CGGBP1: variants seen among roughly 807,000 people sequenced by gnomAD.
The protein encoded by CGGBP1 is CGG triplet repeat-binding protein 1.
CGGBP1 carries 4 observed loss-of-function variants against 11.4 expected under a neutral mutation model. That is an observed-to-expected ratio of 0.35 (90% confidence interval 0.17 to 0.80). CGGBP1 has a LOEUF of 0.80. Among genes scored for constraint, CGGBP1 ranks in the 30% least tolerant of loss-of-function variants. The pLI, the probability that CGGBP1 is intolerant of heterozygous loss-of-function variation, is 0.52. For missense variants in CGGBP1, 135 were observed against 202.1 expected (o/e 0.67, Z 2.01); for synonymous variants, 76 against 74.1 (o/e 1.03, Z -0.13).
At chr3:88,105,419 A>G (rs370473601) in intron 2 of CGGBP1, among the ~76,000 whole-genome samples, 38 of 152,240 alleles carry the variant, frequency 2.5e-4, no homozygotes, top group East Asian at 9.6e-4. Flanking sequence ...TAGTCAGTCA[A>G]TTTGTCCTCT....
chr3:88,123,525 AAT>A (rs1181294633), intron 2 of CGGBP1, among the ~76,000 whole-genome samples: 7 of 152,144 alleles, frequency 4.6e-5, no homozygotes, highest in African/African-American at 1.7e-4. Flanking sequence ...GGAGTTGTTA[AAT>A]ATTCAAATTA....
chr3:88,055,441 T>G lies in CGGBP1; in HGVS notation c.*32A>C. ...AACACATAACTTTAATACTCCACAT[T>G]TATCTTGATCACAATGGTGGTAACC... On this transcript the variant is annotated 3_prime_UTR_variant, in exon 4 of 4. Transcript: ENST00000482016. The surrounding 1 kb of genome is among the most constrained non-coding windows in gnomAD (Gnocchi z 4.2). 1 of 1,492,486 alleles carries G rather than the reference T, an allele frequency of 6.7e-7. No homozygotes were observed. Among genetic ancestry groups the G allele is most frequent in the South Asian group, 1.4e-5 (1 of 69,964 alleles). 92.5% of individuals were successfully genotyped at this position (1,492,486 alleles called of 1,614,324 possible).
At chr3:88,138,402 CACCATA>C (rs1393964122) in intron 2 of CGGBP1, among the ~76,000 whole-genome samples, 1 of 151,930 alleles carries the variant, frequency 6.6e-6, no homozygotes, top group East Asian at 1.9e-4. Flanking sequence ...AAATCTTAAT[CACCATA>C]AGTTTATGAA....
At chr3:88,103,262 G>A (rs189730432) in intron 2 of CGGBP1, among the ~76,000 whole-genome samples, 109 of 152,174 alleles carry the variant, frequency 7.2e-4, no homozygotes, top group Non-Finnish European at 1.5e-3. Flanking sequence ...CAGATAATAC[G>A]TTTGAGCAGA....
At chr3:88,139,450 A>G (rs1270659769) in intron 2 of CGGBP1, 4 of 1,613,858 alleles carry the variant, frequency 2.5e-6, no homozygotes, top group Non-Finnish European at 3.4e-6. Context: ...TTGAAGAATC[A>G]TGTTAAGAAG....
At chr3:88,117,862 T>C (rs1705503941) in intron 2 of CGGBP1, among the ~76,000 whole-genome samples, 1 of 151,826 alleles carries the variant, frequency 6.6e-6, no homozygotes, top group South Asian at 2.1e-4. Context: ...AAGTGCAGCA[T>C]AGAGAAAGTT....
chr3:88,088,511 TAAGAA>T lies in CGGBP1; in HGVS notation c.-228-30293_-228-30289del, dbSNP rs200355959. Among the ~76,000 whole-genome samples, 13 of 152,206 alleles carry T rather than the reference TAAGAA, an allele frequency of 8.5e-5. No individual in the cohort carries two copies. The East Asian group carries it at 2.1e-3, about 25-fold the overall frequency. ...GAGATATGAAAAATGAATTTGAAAT[TAAGAA>T]AATATGATGGTTAAAATTTAAAGTT... On this transcript the variant is annotated intron_variant, in intron 2 of 3. Coordinates refer to the CGGBP1 transcript ENST00000462901.
upstream of CGGBP1, among the ~76,000 whole-genome samples, chr3:88,060,737 A>G (rs1016680810): frequency 2.0e-5 from 3 of 152,088 alleles, no homozygotes; most frequent in Admixed American, 6.5e-5. Context: ...AATGGACATC[A>G]TGTTTGCTGA....
rs756158315 is a variant in CGGBP1 at position 88,140,581 on chromosome 3, G to C, written c.-229+389C>G. On this transcript the variant is annotated intron_variant, in intron 2 of 3. Coordinates refer to the CGGBP1 transcript ENST00000462901. Reference sequence around the variant, plus strand: ...ATAGAGCCAAATTCTGAAAATAATTGTAGTAGTAGTGATATAGTCAATGGA... The same window carrying C: ...ATAGAGCCAAATTCTGAAAATAATTCTAGTAGTAGTGATATAGTCAATGGA... 2.5e-6 allele frequency: 4 copies of C among 1,613,590 alleles called. No homozygotes were observed. The African/African-American group carries it at 5.3e-5, about 22-fold the overall frequency.
At chr3:88,059,639 T>A, upstream of CGGBP1, 2 of 967,534 alleles carry the variant, frequency 2.1e-6, no homozygotes, top group Non-Finnish European at 2.6e-6. Context: ...AGGCTGAAGC[T>A]CCCTCCTCCA....
At chr3:88,061,733 T>C (rs1166161278), upstream of CGGBP1, among the ~76,000 whole-genome samples, 1 of 152,218 alleles carries the variant, frequency 6.6e-6, no homozygotes, top group Non-Finnish European at 1.5e-5. Context: ...TTAATCTAAT[T>C]CCTAGTCGAA....
At chr3:88,060,798 C>T (rs1706832924), upstream of CGGBP1, among the ~76,000 whole-genome samples, 1 of 152,026 alleles carries the variant, frequency 6.6e-6, no homozygotes, top group Admixed American at 6.5e-5. Flanking sequence ...TAAGGAATTT[C>T]TTTCAATGCT....
intron 2 of CGGBP1, among the ~76,000 whole-genome samples, chr3:88,104,994 G>T (rs1171301398): frequency 5.9e-5 from 9 of 152,116 alleles, no homozygotes; most frequent in African/African-American, 2.2e-4. Context: ...CCAAAAATTA[G>T]TCAGGTGTGG....
At chr3:88,135,400 A>G (rs1380044147) in intron 2 of CGGBP1, 1 of 378,766 alleles carries the variant, frequency 2.6e-6, no homozygotes, top group Non-Finnish European at 4.6e-6. Flanking sequence ...GTTACTTAAA[A>G]TTTAACATGG....
At chr3:88,107,895 T>G (rs887536078) in intron 2 of CGGBP1, among the ~76,000 whole-genome samples, 5 of 152,192 alleles carry the variant, frequency 3.3e-5, no homozygotes, top group Admixed American at 3.3e-4. Context: ...ATATTCTGTA[T>G]GATTTTAATA....
rs755244220 is a variant in CGGBP1, at chr3:88,140,449, G to A, written c.-229+521C>T. 23 of 1,613,466 alleles carry A rather than the reference G, an allele frequency of 1.4e-5. No homozygotes were observed. The East Asian group carries it at 3.6e-4, about 25-fold the overall frequency. ...AAAGAGTCTACAGAACCAAAGACAT[G>A]TATAGAAAGTATGGAAAAGAAAACA... On this transcript the variant is annotated intron_variant, in intron 2 of 3. Transcript: ENST00000462901.
Position 88,098,002 on chromosome 3 carries a change from T to C in CGGBP1, c.-228-39779A>G, listed in dbSNP as rs889934397. 2.8e-4 allele frequency among the ~76,000 whole-genome samples: 43 copies of C among 151,682 alleles called. 1 individual carries two copies. Among genetic ancestry groups the C allele is most frequent in the Admixed American group, 2.8e-3 (42 of 15,214 alleles). ...AAGATCAGAGCAGAACTGAAGGAGA[T>C]AGAGACATAAAAAACCCTTCAAAAA... On this transcript the variant is annotated intron_variant, in intron 2 of 3. Transcript: ENST00000462901.
chr3:88,103,255 A>G (rs752396732), intron 2 of CGGBP1, among the ~76,000 whole-genome samples: 4 of 152,204 alleles, frequency 2.6e-5, no homozygotes, highest in Non-Finnish European at 4.4e-5. Flanking sequence ...GAAAAGACAG[A>G]TAATACGTTT....
At chr3:88,099,525 C>G (rs1381319914) in intron 2 of CGGBP1, among the ~76,000 whole-genome samples, 1 of 149,606 alleles carries the variant, frequency 6.7e-6, no homozygotes, top group Non-Finnish European at 1.5e-5. Flanking sequence ...CCAAGACAAT[C>G]CTAAGCCAAA....
Sources: allele counts gnomAD v4.1 joint callset (sites outside exome capture counted in the v4.1 genomes callset), GRCh38; gene constraint gnomAD v4.1.1; non-coding constraint Gnocchi (gnomAD v3.1); transcripts MANE v1.5; gene names NCBI Gene and HGNC (gene_info 2026-07-23, HGNC 2026-07-21).